Variants in SERTAD4 observed in about 807,000 individuals in gnomAD.
SERTAD4 encodes SERTA domain containing 4.
In SERTAD4, 18 loss-of-function variants were observed where a neutral mutation model predicts 32.9. The ratio of observed to expected loss-of-function variants is 0.55; its 90% CI spans 0.38 to 0.81. The LOEUF (loss-of-function observed/expected upper bound fraction) is 0.81. Among genes scored for constraint, SERTAD4 ranks in the 30% least tolerant of loss-of-function variants. The pLI, the probability that SERTAD4 is intolerant of heterozygous loss-of-function variation, is 0.00. For synonymous variants in SERTAD4, 150 were observed against 156.4 expected (o/e 0.96, Z 0.30); for missense variants, 383 against 426.0 (o/e 0.90, Z 0.89).
At chr1:210,233,908 A>T in intron 1 of SERTAD4, 1 of 444,110 alleles carries the variant, frequency 2.3e-6, no homozygotes, top group Middle Eastern at 3.9e-4. Flanking sequence ...CAGCCCCGCC[A>T]GAGCCCTGCC....
At chr1:210,233,855 C>G (rs1236367129) in intron 1 of SERTAD4, 1 of 467,632 alleles carries the variant, frequency 2.1e-6, no homozygotes, top group Non-Finnish European at 4.4e-6. Context: ...GGAGGGAAGG[C>G]CGGGCCGACA....
At chr1:210,239,002 G>GA (rs1000218512) in intron 2 of SERTAD4, among the ~76,000 whole-genome samples, 2 of 151,792 alleles carry the variant, frequency 1.3e-5, no homozygotes, top group African/African-American at 4.8e-5. Context: ...TTTGTATTTT[G>GA]AAAAAAAGGA....
At chr1:210,240,543 G>A (rs1032525796) in intron 3 of SERTAD4, among the ~76,000 whole-genome samples, 9 of 152,172 alleles carry the variant, frequency 5.9e-5, no homozygotes, top group Admixed American at 5.9e-4. Context: ...CTCAGGTTAT[G>A]GTGCCAGTTT....
chr1:210,237,925 T>G lies in SERTAD4; in HGVS notation c.-17-19T>G. The G allele has an allele frequency of 6.3e-7, 1 of 1,578,872 alleles. No homozygotes were observed. The highest frequency in any genetic ancestry group is 8.6e-7 in the Non-Finnish European group (1 of 1,162,664). ...AGGGCTGTTTTCTTCATTCTTGTTTTTTTTTTTTTTCTTTTCAGATCTGAG... is the reference window on the plus strand; with the variant it reads ...AGGGCTGTTTTCTTCATTCTTGTTTGTTTTTTTTTTCTTTTCAGATCTGAG... On this transcript the variant is annotated intron_variant, in intron 1 of 3. Coordinates refer to ENST00000367012, the MANE Select transcript of SERTAD4 (RefSeq NM_019605.5).
At position 210,243,680 on chromosome 1, in the gene SERTAD4, A is replaced by G. The variant is rs1223465859; in HGVS notation, c.*1343A>G. 3 of 152,300 alleles carry G rather than the reference A, an allele frequency of 2.0e-5. No individual in the cohort carries two copies. Among genetic ancestry groups the G allele is most frequent in the South Asian group, 4.1e-4 (2 of 4,824 alleles). The allele number at this position is 152,300 out of a possible 1,614,324, so 9.4% of individuals were successfully genotyped here. On this transcript the variant is annotated 3_prime_UTR_variant, in exon 4 of 4. Transcript: ENST00000367012. Reference sequence around the variant, plus strand: ...AAGTGTTCAGAGTGGCCCTCCTACCATCCTTCCTTCCACTCCAGCCAACTC... The same window carrying G: ...AAGTGTTCAGAGTGGCCCTCCTACCGTCCTTCCTTCCACTCCAGCCAACTC...
chr1:210,236,597 A>G (rs1272029106), intron 1 of SERTAD4, among the ~76,000 whole-genome samples: 1 of 152,070 alleles, frequency 6.6e-6, no homozygotes, highest in Non-Finnish European at 1.5e-5. Flanking sequence ...CATGTAGGTA[A>G]TAATAGTCTC....
chr1:210,241,685 A>G lies in SERTAD4; in HGVS notation c.419A>G (p.His140Arg), dbSNP rs2083996584. The G allele has an allele frequency of 1.2e-6, 2 of 1,614,040 alleles. No individual in the cohort carries two copies. Among genetic ancestry groups the G allele is most frequent in the Non-Finnish European group, 1.7e-6 (2 of 1,180,008 alleles). ...VLINNLMKRIHGEIIMQNNWC... is the reference protein window; with the variant it reads ...VLINNLMKRIRGEIIMQNNWC... ...ATAAACAATTTGATGAAAAGGATCC[A>G]TGGAGAAATTATCATGCAGAATAAC... The change falls in exon 4 of 4, where the codon CAT (histidine) becomes CGT (arginine). Residue 140 changes from histidine (H) to arginine (R), a missense_variant. Physicochemically the swap from His to Arg is conservative, Grantham distance 29. This residue lies in a region of SERTAD4 where 107 missense variants were observed against 158.8 expected (regional missense o/e 0.67). Transcript: ENST00000367012.
intron 1 of SERTAD4, among the ~76,000 whole-genome samples, chr1:210,233,456 G>T (rs2083905905): frequency 6.6e-6 from 1 of 152,186 alleles, no homozygotes; most frequent in Non-Finnish European, 1.5e-5. Context: ...TCCGGATGCC[G>T]CGGCGCTTGG....
At position 210,245,792 on chromosome 1, in the gene SERTAD4, T is replaced by C. The variant is rs2084043339; in HGVS notation, c.*3455T>C. 2 of 985,180 alleles carry C rather than the reference T, an allele frequency of 2.0e-6. No individual in the cohort carries two copies. Among genetic ancestry groups the C allele is most frequent in the African/African-American group, 1.7e-5 (1 of 57,208 alleles). 61.0% of individuals were successfully genotyped at this position (985,180 alleles called of 1,614,324 possible). A position where few individuals can be genotyped will look rare whatever the true frequency, so the allele number is the denominator to read the frequency against. ...GCTCCACTTGGTGACTTCCTTTCTG[T>C]GTATCAGGAGCAGAGCAGAGGACAA... is the stretch of plus-strand genomic sequence containing the variant. On this transcript the variant is annotated 3_prime_UTR_variant, in exon 4 of 4. Coordinates refer to ENST00000367012, the MANE Select transcript of SERTAD4 (RefSeq NM_019605.5).
At chr1:210,233,978 A>G in intron 1 of SERTAD4, 1 of 367,470 alleles carries the variant, frequency 2.7e-6, no homozygotes. Flanking sequence ...CTTAGAAGGA[A>G]ACTTGGTTTT....
Position 210,242,475 on chromosome 1 carries a change from AGAGCAGATTG to A in SERTAD4, c.*139_*148del. The A allele has an allele frequency of 7.0e-7, 1 of 1,432,784 alleles. No homozygotes were observed. Among genetic ancestry groups the A allele is most frequent in the Non-Finnish European group, 9.1e-7 (1 of 1,099,456 alleles). 88.8% of individuals were successfully genotyped at this position (1,432,784 alleles called of 1,614,324 possible). ...CATGCCATGTCGTTTTAATGCCTGGAGAGCAGATTGCGTAAAACATCTGTATAGCAGGCAT... is the reference window on the plus strand; with the variant it reads ...CATGCCATGTCGTTTTAATGCCTGGACGTAAAACATCTGTATAGCAGGCAT... On this transcript the variant is annotated 3_prime_UTR_variant, in exon 4 of 4. Coordinates refer to ENST00000367012, the MANE Select transcript of SERTAD4 (RefSeq NM_019605.5). This position sits in a 1 kb window ranked among gnomAD's most constrained non-coding sequence, Gnocchi z 4.0.
chr1:210,240,826 C>T (rs1279063379), intron 3 of SERTAD4, among the ~76,000 whole-genome samples: 4 of 152,134 alleles, frequency 2.6e-5, no homozygotes, highest in African/African-American at 9.7e-5. Flanking sequence ...GTCCTCTTAT[C>T]AAGCAAGGAT....
chr1:210,241,930 G>A lies in SERTAD4; in HGVS notation c.664G>A (p.Ala222Thr), dbSNP rs62639700. The A allele has an allele frequency of 5.5e-4, 886 of 1,613,888 alleles. 4 individuals are homozygous for A. The African/African-American group carries it at 7.8e-3, about 14-fold the overall frequency. Reference protein sequence around the residue: ...SASTAASSPSASSSSSSSSSS... With the variant: ...SASTAASSPSTSSSSSSSSSS... ...CTCCACTGCTGCCTCCTCTCCCTCC[G>A]CCTCTTCTTCCTCCTCATCTTCCTC... Residue 222 changes from alanine to threonine, a missense_variant, in exon 4 of 4, where the codon GCC (alanine) becomes ACC (threonine). By Grantham distance (58) the Ala-to-Thr change is moderately conservative. This residue lies in a region of SERTAD4 where 180 missense variants were observed against 190.6 expected (regional missense o/e 0.94). Transcript: ENST00000367012.
intron 3 of SERTAD4, among the ~76,000 whole-genome samples, chr1:210,240,805 T>C (rs936406967): frequency 6.6e-6 from 1 of 152,164 alleles, no homozygotes; most frequent in Non-Finnish European, 1.5e-5. Flanking sequence ...CTGAGCCTCA[T>C]TCATTAGTGT....
intron 1 of SERTAD4, among the ~76,000 whole-genome samples, chr1:210,235,698 G>C (rs1049711736): frequency 3.3e-5 from 5 of 152,096 alleles, no homozygotes; most frequent in African/African-American, 7.2e-5. Context: ...CTACCAAAAA[G>C]TTATTAAAAT....
Position 210,245,581 on chromosome 1 carries a change from G to A in SERTAD4, c.*3244G>A, listed in dbSNP as rs1201352497. On this transcript the variant is annotated 3_prime_UTR_variant, in exon 4 of 4. Coordinates refer to ENST00000367012, the MANE Select transcript of SERTAD4 (RefSeq NM_019605.5). ...CCAGCAGATGCCACTACCTGGCAAT[G>A]AATTGAAAATTAGGGGAAAGCATCT... is the stretch of plus-strand genomic sequence containing the variant. 1.9e-5 allele frequency: 3 copies of A among 157,714 alleles called. No individual in the cohort carries two copies. The East Asian group carries it at 5.8e-4, about 30-fold the overall frequency. The allele number at this position is 157,714 out of a possible 1,614,324, so 9.8% of individuals were successfully genotyped here.
In SERTAD4 at chr1:210,244,624, T is replaced by C. The variant is rs2084030285; in HGVS notation, c.*2287T>C. Reference sequence around the variant, plus strand: ...TAGCATTCTTATTATGAGTGTAATATCTCATGGAGATTTAAATATGAACGA... The same window carrying C: ...TAGCATTCTTATTATGAGTGTAATACCTCATGGAGATTTAAATATGAACGA... On this transcript the variant is annotated 3_prime_UTR_variant, in exon 4 of 4. Transcript: ENST00000367012. 3 of 152,152 alleles carry C rather than the reference T, an allele frequency of 2.0e-5. No individual in the cohort carries two copies. In the South Asian group the frequency reaches 6.2e-4, roughly 32 times the overall value. The allele number at this position is 152,152 out of a possible 1,614,324, so 9.4% of individuals were successfully genotyped here. A position where few individuals can be genotyped will look rare whatever the true frequency, so the allele number is the denominator to read the frequency against.
In SERTAD4 at chr1:210,241,627, G is replaced by T; in HGVS notation, c.361G>T (p.Asp121Tyr). Residue 121 changes from aspartate (D) to tyrosine (Y), a missense_variant, in exon 4 of 4, where the codon GAT becomes TAT. Coordinates refer to ENST00000367012, the MANE Select transcript of SERTAD4 (RefSeq NM_019605.5). ...MSLEKLKFIDDPEVYLRRSVL... is the reference protein window; with the variant it reads ...MSLEKLKFIDYPEVYLRRSVL... ...CTTAGAAAAGCTAAAGTTTATCGAT[G>T]ATCCTGAAGTGTACCTCCGAAGATC... The T allele has an allele frequency of 6.2e-7, 1 of 1,606,692 alleles. No homozygotes were observed. Among genetic ancestry groups the T allele is most frequent in the Admixed American group, 1.7e-5 (1 of 59,348 alleles).
intron 1 of SERTAD4, among the ~76,000 whole-genome samples, chr1:210,237,089 A>C (rs931882536): frequency 6.6e-6 from 1 of 152,184 alleles, no homozygotes; most frequent in African/African-American, 2.4e-5. Flanking sequence ...TGCCTCTTGG[A>C]AAGTTCCTGC....
Sources: allele counts gnomAD v4.1 joint callset (sites outside exome capture counted in the v4.1 genomes callset), GRCh38; gene constraint gnomAD v4.1.1; regional missense constraint gnomAD v4.1.1; non-coding constraint Gnocchi (gnomAD v3.1); transcripts MANE v1.5; gene names NCBI Gene and HGNC (gene_info 2026-07-23, HGNC 2026-07-21).